Variants in NTRK2 observed in about 807,000 individuals in gnomAD.
The protein encoded by NTRK2 is BDNF/NT-3 growth factors receptor.
Under a neutral mutation model 94.5 loss-of-function variants are expected in NTRK2, and 13 were observed. The observed-to-expected ratio is 0.14, with a 90% CI of 0.09 to 0.22. The LOEUF (loss-of-function observed/expected upper bound fraction) is 0.22. NTRK2 is among the 10% of genes least tolerant of loss of function. NTRK2 has a pLI of 1.00. For synonymous variants in NTRK2, 372 were observed against 407.4 expected (o/e 0.91, Z 1.05); for missense variants, 639 against 1,071.2 (o/e 0.60, Z 5.63).
At chr9:84,962,023 C>T (rs900902846) in intron 17 of NTRK2, among the ~76,000 whole-genome samples, 1 of 152,214 alleles carries the variant, frequency 6.6e-6, no homozygotes, top group Non-Finnish European at 1.5e-5. Flanking sequence ...TATCAAAATA[C>T]GCTCTTGAGG....
At chr9:84,710,842 T>G in intron 6 of NTRK2, 51 bp downstream of exon 6, 5 of 1,589,472 alleles carry the variant, frequency 3.1e-6, no homozygotes, top group Non-Finnish European at 4.3e-6. Flanking sequence ...TTATTCTCAT[T>G]GCCTTGGTGC....
rs543351041 is a variant in NTRK2 at position 84,899,776 on chromosome 9, G to A, written c.1633+32345G>A. On this transcript the variant is annotated intron_variant, in intron 14 of 18. Coordinates refer to ENST00000277120, the MANE Select transcript of NTRK2 (RefSeq NM_006180.6). ...GAGTCAGAACAGAGACAAGAGTGAA[G>A]AATGAAAAACGTGTCTGGATGTGAA... Among the ~76,000 whole-genome samples, 3 of 152,326 alleles carry A rather than the reference G, an allele frequency of 2.0e-5. No homozygotes were observed. In the East Asian group the frequency reaches 5.8e-4, roughly 29 times the overall value.
chr9:84,720,173 A>G (rs2061970601), intron 6 of NTRK2, among the ~76,000 whole-genome samples: 1 of 152,218 alleles, frequency 6.6e-6, no homozygotes, highest in South Asian at 2.1e-4. Flanking sequence ...AACTTGGTTT[A>G]TATGGCAGAA....
At chr9:84,950,825 A>G (rs1180177985) in intron 16 of NTRK2, among the ~76,000 whole-genome samples, 2 of 152,172 alleles carry the variant, frequency 1.3e-5, no homozygotes, top group African/African-American at 2.4e-5. Context: ...ATCTTTCACA[A>G]TACTTCATCT....
intron 12 of NTRK2, among the ~76,000 whole-genome samples, chr9:84,795,726 T>G (rs2069237404): frequency 6.6e-6 from 1 of 152,150 alleles, no homozygotes; most frequent in African/African-American, 2.4e-5. Flanking sequence ...CAGTATAGCT[T>G]TTCTCTGTGC....
At chr9:84,728,784 C>T (rs2062639012) in intron 9 of NTRK2, among the ~76,000 whole-genome samples, 1 of 152,178 alleles carries the variant, frequency 6.6e-6, no homozygotes, top group Non-Finnish European at 1.5e-5. Context: ...GGGGTCTACT[C>T]TGGGCACAGC....
chr9:84,992,933 G>A (rs10868245), intron 17 of NTRK2, among the ~76,000 whole-genome samples: 109,719 of 148,878 alleles, frequency 0.74, 41,212 homozygotes, highest in African/African-American at 0.84. Flanking sequence ...TATATTTAAT[G>A]TATTATATAT....
intron 17 of NTRK2, among the ~76,000 whole-genome samples, chr9:84,973,493 AG>A (rs1168563341): frequency 6.6e-6 from 1 of 152,240 alleles, no homozygotes; most frequent in Non-Finnish European, 1.5e-5. Context: ...CCCCTTGAAC[AG>A]GTTCCTCATT....
At chr9:84,812,059 T>A (rs979549239) in intron 12 of NTRK2, 1 of 1,060,624 alleles carries the variant, frequency 9.4e-7, no homozygotes, top group Non-Finnish European at 1.1e-6. Context: ...TTTAAAAATT[T>A]ATTTTTTTTG....
At chr9:84,837,979 G>T (rs184902621) in intron 12 of NTRK2, among the ~76,000 whole-genome samples, 6 of 152,042 alleles carry the variant, frequency 3.9e-5, no homozygotes, top group Non-Finnish European at 5.9e-5. Context: ...GACATGAAAT[G>T]GTTATAAAAG....
At chr9:84,819,923 G>T (rs546612317) in intron 12 of NTRK2, among the ~76,000 whole-genome samples, 3 of 152,098 alleles carry the variant, frequency 2.0e-5, no homozygotes, top group Non-Finnish European at 4.4e-5. Flanking sequence ...ACCATATGGG[G>T]TGAGTTATTT....
At chr9:84,694,176 GT>G (rs2060220519) in intron 2 of NTRK2, among the ~76,000 whole-genome samples, 1 of 152,186 alleles carries the variant, frequency 6.6e-6, no homozygotes, top group South Asian at 2.1e-4. Flanking sequence ...TTCAAATCCT[GT>G]TTTGGCAGCT....
chr9:84,911,714 G>A (rs940518208), intron 14 of NTRK2, among the ~76,000 whole-genome samples: 3 of 151,918 alleles, frequency 2.0e-5, no homozygotes, highest in Non-Finnish European at 2.9e-5. Context: ...CAATTTCTTG[G>A]TTTAGTGTTT....
At chr9:84,950,894 C>T (rs144635072) in intron 16 of NTRK2, among the ~76,000 whole-genome samples, 2 of 152,248 alleles carry the variant, frequency 1.3e-5, no homozygotes, top group Non-Finnish European at 2.9e-5. Context: ...GAAGTGGCAC[C>T]TTTCTTGTGA....
chr9:84,693,018 C>T (rs998150375), intron 2 of NTRK2, among the ~76,000 whole-genome samples: 2 of 152,206 alleles, frequency 1.3e-5, no homozygotes, highest in African/African-American at 4.8e-5. Context: ...GGCAGCACAG[C>T]TCGTGGTTGC....
At chr9:84,763,623 A>G (rs1041642988) in intron 12 of NTRK2, among the ~76,000 whole-genome samples, 10 of 152,120 alleles carry the variant, frequency 6.6e-5, no homozygotes, top group Non-Finnish European at 1.0e-4. Flanking sequence ...TCACTCCCAA[A>G]TTTCCAGCAT....
chr9:84,800,042 G>T (rs1315386301), intron 12 of NTRK2, among the ~76,000 whole-genome samples: 1 of 152,094 alleles, frequency 6.6e-6, no homozygotes, highest in Non-Finnish European at 1.5e-5. Flanking sequence ...ATTTAGTTAG[G>T]GTTTGGTTCA....
chr9:84,907,691 T>C (rs905971497), intron 14 of NTRK2, among the ~76,000 whole-genome samples: 320 of 149,036 alleles, frequency 2.1e-3, no homozygotes, highest in Middle Eastern at 3.5e-3. Context: ...TCTTCTTCTT[T>C]TTTTTTTTTT....
In NTRK2 at chr9:84,982,288, C is replaced by T. The variant is rs533309021; in HGVS notation, c.2172+26771C>T. Among the ~76,000 whole-genome samples the T allele has an allele frequency of 8.5e-5, 13 of 152,186 alleles. No individual in the cohort carries two copies. In the South Asian group the frequency reaches 2.1e-3, roughly 24 times the overall value. On this transcript the variant is annotated intron_variant, in intron 17 of 18. Transcript: ENST00000277120. Reference sequence around the variant, plus strand: ...CAGCTATTAATGACTGAGAATGAGCCGAGGAGGATTAAGCAGGAATTTTTC... The same window carrying T: ...CAGCTATTAATGACTGAGAATGAGCTGAGGAGGATTAAGCAGGAATTTTTC...
Sources: allele counts gnomAD v4.1 joint callset (sites outside exome capture counted in the v4.1 genomes callset), GRCh38; gene constraint gnomAD v4.1.1; transcripts MANE v1.5; gene names NCBI Gene and HGNC (gene_info 2026-07-23, HGNC 2026-07-21).